RASA3: variants seen among roughly 807,000 people sequenced by gnomAD.
RASA3 encodes RAS p21 protein activator 3.
A neutral mutation model predicts 110.0 loss-of-function variants in RASA3; 73 were observed. The observed-to-expected ratio is 0.66, with a 90% CI of 0.55 to 0.81. The LOEUF is 0.81. RASA3 is among the 30% of genes least tolerant of loss of function. The probability of loss-of-function intolerance (pLI) is 0.00; values close to 1 mark genes in which losing one functional copy is unlikely to be tolerated. For missense variants in RASA3, 976 were observed against 1,113.2 expected, an observed-to-expected ratio of 0.88 and a Z score of 1.75; for synonymous variants, 500 against 451.4, an observed-to-expected ratio of 1.11 and a Z score of -1.37.
At chr13:113,996,430 C>T in intron 21 of RASA3, 101 bp downstream of exon 21, 1 of 1,218,960 alleles carries the variant, frequency 8.2e-7, no homozygotes, top group Non-Finnish European at 1.1e-6. Context: ...TTATGTGCAG[C>T]TTACAGGCAG....
At chr13:114,127,144 G>A (rs1035002923) in intron 1 of RASA3, among the ~76,000 whole-genome samples, 17 of 152,240 alleles carry the variant, frequency 1.1e-4, no homozygotes, top group African/African-American at 2.9e-4. Flanking sequence ...GGGAGACGCC[G>A]CTCATCCACT....
chr13:114,025,277 G>T (rs879733867), intron 7 of RASA3, among the ~76,000 whole-genome samples: 1 of 152,250 alleles, frequency 6.6e-6, no homozygotes, highest in Non-Finnish European at 1.5e-5. Context: ...TGAAGATCAC[G>T]CAGGGGCAGT....
chr13:114,018,867 G>C lies in RASA3; in HGVS notation c.838C>G (p.Leu280Val). The C allele has an allele frequency of 1.2e-6, 2 of 1,613,962 alleles. No individual in the cohort carries two copies. The highest frequency in any genetic ancestry group is 1.7e-6 in the Non-Finnish European group (2 of 1,180,004). The change falls in exon 10 of 24, where the codon CTG becomes GTG. Residue 280 changes from leucine (L) to valine (V), a missense_variant. Coordinates refer to ENST00000334062, the MANE Select transcript of RASA3 (RefSeq NM_007368.4). ...ACCACGTTCAGCCGCAGGGAGCCCAGGTCGTCTGGCTTTAGGCTCTTGCTA... is the reference window on the plus strand; with the variant it reads ...ACCACGTTCAGCCGCAGGGAGCCCACGTCGTCTGGCTTTAGGCTCTTGCTA... ...NGSKSLKPDD[L>V]GSLRLNVVYT...
intron 15 of RASA3, among the ~76,000 whole-genome samples, chr13:114,012,265 G>A (rs1210867378): frequency 1.3e-5 from 2 of 151,816 alleles, no homozygotes; most frequent in Non-Finnish European, 2.9e-5. Context: ...ATAGGTCGGT[G>A]AACCACCTGC....
intron 1 of RASA3, among the ~76,000 whole-genome samples, chr13:114,102,092 A>G (rs929948819): frequency 1.3e-5 from 2 of 152,148 alleles, no homozygotes; most frequent in African/African-American, 4.8e-5. Flanking sequence ...ACTGCATACA[A>G]CTGTGCAAAT....
intron 20 of RASA3, 115 bp from the exon 21 acceptor site, chr13:113,996,854 G>T (rs2053269041): frequency 1.1e-6 from 1 of 925,722 alleles, no homozygotes; most frequent in South Asian, 1.5e-5. Flanking sequence ...GGACGCTGAG[G>T]GTGCACAGGC....
Position 114,075,781 on chromosome 13 carries a change from C to G in RASA3, c.56-1944G>C, listed in dbSNP as rs112354207. 2.2e-3 allele frequency among the ~76,000 whole-genome samples: 116 copies of G among 51,870 alleles called. 1 individual carries two copies. Among genetic ancestry groups the G allele is most frequent in the East Asian group, 0.015 (15 of 970 alleles). The allele number at this position is 51,870 out of a possible 152,430, so 34.0% of individuals were successfully genotyped here. ...CCGGCAGGACGAAGCCTCCCGTGTCCGCGCCGCGTATCTCTGCGTGTGGAG... is the reference window on the plus strand; with the variant it reads ...CCGGCAGGACGAAGCCTCCCGTGTCGGCGCCGCGTATCTCTGCGTGTGGAG... On this transcript the variant is annotated intron_variant, in intron 1 of 23. Coordinates refer to ENST00000334062, the MANE Select transcript of RASA3 (RefSeq NM_007368.4).
At chr13:114,044,572 T>G (rs1159783155) in intron 3 of RASA3, among the ~76,000 whole-genome samples, 1 of 124,178 alleles carries the variant, frequency 8.1e-6, no homozygotes, top group Non-Finnish European at 1.7e-5. Flanking sequence ...GCGGGCGCCT[T>G]TGACTTCAAG....
At position 114,040,786 on chromosome 13, in the gene RASA3, G is replaced by C. The variant is rs536963530; in HGVS notation, c.372+214C>G. On this transcript the variant is annotated intron_variant, in intron 4 of 23. Transcript: ENST00000334062. Reference sequence around the variant, plus strand: ...CCATGGCAGAGCCTGCGCTCACTCCGAGCACAAGCAGGCGAACACGCACAA... The same window carrying C: ...CCATGGCAGAGCCTGCGCTCACTCCCAGCACAAGCAGGCGAACACGCACAA... 1.9e-3 allele frequency among the ~76,000 whole-genome samples: 283 copies of C among 147,782 alleles called. 8 individuals are homozygous for C. The highest frequency in any genetic ancestry group is 3.9e-4 in the Non-Finnish European group (26 of 67,478).
intron 20 of RASA3, among the ~76,000 whole-genome samples, chr13:113,997,619 A>G (rs1269339370): frequency 1.3e-5 from 2 of 151,914 alleles, no homozygotes; most frequent in East Asian, 3.9e-4. Flanking sequence ...GTGCTGGGGC[A>G]GGGGGGACAG....
chr13:114,040,548 C>G (rs1245675795), intron 4 of RASA3, among the ~76,000 whole-genome samples: 7 of 137,650 alleles, frequency 5.1e-5, no homozygotes, highest in South Asian at 2.5e-4. Flanking sequence ...GCGCTCACTC[C>G]GAGCACAAGC....
rs575502222 is a variant in RASA3 at position 114,056,605 on chromosome 13, C to T, written c.174-4450G>A. On this transcript the variant is annotated intron_variant, in intron 2 of 23. Coordinates refer to ENST00000334062, the MANE Select transcript of RASA3 (RefSeq NM_007368.4). The surrounding 1 kb of genome is among the most constrained non-coding windows in gnomAD (Gnocchi z 5.7). ...GTGGGGGGCTCGGTGGGGGGAGGCC[C>T]GTGCTGGCTGGGCACCTGGGAGGGT... 6.6e-5 allele frequency: 65 copies of T among 985,080 alleles called. No individual in the cohort carries two copies. The highest frequency in any genetic ancestry group is 9.4e-5 in the South Asian group (2 of 21,250). The allele number at this position is 985,080 out of a possible 1,614,324, so 61.0% of individuals were successfully genotyped here. A position where few individuals can be genotyped will look rare whatever the true frequency, so the allele number is the denominator to read the frequency against.
At chr13:114,093,366 G>A (rs1472955139) in intron 1 of RASA3, among the ~76,000 whole-genome samples, 1 of 152,280 alleles carries the variant, frequency 6.6e-6, no homozygotes, top group Admixed American at 6.5e-5. Flanking sequence ...TTTTCCTTTA[G>A]CACTCTGAAT....
At chr13:114,126,471 C>A (rs2080451117) in intron 1 of RASA3, among the ~76,000 whole-genome samples, 1 of 151,388 alleles carries the variant, frequency 6.6e-6, no homozygotes, top group Non-Finnish European at 1.5e-5. Flanking sequence ...TCCCAGACCC[C>A]CTCCAAGATG....
chr13:114,004,011 G>C (rs1162266733), intron 18 of RASA3, among the ~76,000 whole-genome samples: 1 of 152,120 alleles, frequency 6.6e-6, no homozygotes, highest in African/African-American at 2.4e-5. Flanking sequence ...TTTCCTTATG[G>C]CACCGAAGAA....
At chr13:114,118,033 C>A (rs2080319380) in intron 1 of RASA3, among the ~76,000 whole-genome samples, 1 of 152,046 alleles carries the variant, frequency 6.6e-6, no homozygotes, top group Non-Finnish European at 1.5e-5. Context: ...CGTGAGTGCA[C>A]GGGAACAGCC....
chr13:114,025,952 C>T (rs777126712), intron 7 of RASA3, among the ~76,000 whole-genome samples: 34 of 152,276 alleles, frequency 2.2e-4, no homozygotes, highest in East Asian at 7.7e-4. Flanking sequence ...GGGGAGGAGA[C>T]GGAGTGAAAG....
intron 1 of RASA3, among the ~76,000 whole-genome samples, chr13:114,093,974 T>C (rs975894876): frequency 1.1e-4 from 17 of 152,138 alleles, no homozygotes; most frequent in African/African-American, 3.6e-4. Context: ...TTGAAGTTCA[T>C]TGAGCTTCCT....
At chr13:114,050,997 G>A (rs764343238) in intron 3 of RASA3, among the ~76,000 whole-genome samples, 21 of 152,220 alleles carry the variant, frequency 1.4e-4, no homozygotes, top group Non-Finnish European at 2.5e-4. Flanking sequence ...GGGGGCAGCC[G>A]GCGTGGGGTG....
Sources: allele counts gnomAD v4.1 joint callset (sites outside exome capture counted in the v4.1 genomes callset), GRCh38; gene constraint gnomAD v4.1.1; non-coding constraint Gnocchi (gnomAD v3.1); transcripts MANE v1.5; gene names NCBI Gene and HGNC (gene_info 2026-07-23, HGNC 2026-07-21).